IQGAP2: variants seen among roughly 807,000 people sequenced by gnomAD.
IQGAP2 encodes IQ motif containing GTPase activating protein 2.
Under a neutral mutation model 201.3 loss-of-function variants are expected in IQGAP2, and 173 were observed. The ratio of observed to expected loss-of-function variants is 0.86; its 90% CI spans 0.76 to 0.98. The LOEUF is 0.98. Among genes scored for constraint, IQGAP2 ranks in the 50% least tolerant of loss-of-function variants. IQGAP2 has a pLI of 0.00. For synonymous variants in IQGAP2, 675 were observed against 673.9 expected (o/e 1.00, Z -0.03); for missense variants, 1,687 against 1,864.8 (o/e 0.90, Z 1.76).
intron 26 of IQGAP2, 123 bp from the exon 27 acceptor site, chr5:76,674,354 C>T (rs1276459686): frequency 1.6e-6 from 1 of 621,040 alleles, no homozygotes; most frequent in East Asian, 2.8e-5. Flanking sequence ...GGATTTACAT[C>T]AGAAAATGAT....
chr5:76,496,467 AG>A (rs1394666620), intron 2 of IQGAP2, among the ~76,000 whole-genome samples: 2 of 152,212 alleles, frequency 1.3e-5, no homozygotes, highest in Non-Finnish European at 2.9e-5. Context: ...AGTAAGACAG[AG>A]TCTCATATGA....
chr5:76,586,166 G>A (rs1746231679), intron 5 of IQGAP2, among the ~76,000 whole-genome samples: 1 of 152,130 alleles, frequency 6.6e-6, no homozygotes, highest in African/African-American at 2.4e-5. Context: ...CCATGATAAT[G>A]TCTAAAGACC....
intron 23 of IQGAP2, among the ~76,000 whole-genome samples, chr5:76,670,474 A>G (rs13181696): frequency 0.12 from 18,924 of 152,284 alleles, 1,557 homozygotes; most frequent in Middle Eastern, 0.19. Context: ...AGATCGCGCC[A>G]CTGCACTCCA....
intron 2 of IQGAP2, among the ~76,000 whole-genome samples, chr5:76,482,762 C>T (rs1328804863): frequency 2.6e-5 from 4 of 152,206 alleles, no homozygotes; most frequent in African/African-American, 9.7e-5. Context: ...AATTATCAGG[C>T]TCAATGTAGC....
intron 13 of IQGAP2, chr5:76,623,358 T>G: frequency 8.9e-7 from 1 of 1,118,606 alleles, no homozygotes; most frequent in Non-Finnish European, 1.3e-6. Context: ...TTTGCTCTCC[T>G]GTGCCGTGCA....
chr5:76,406,730 G>GGCAGATGACTTC (rs1480880726), intron 1 of IQGAP2, among the ~76,000 whole-genome samples: 18 of 152,228 alleles, frequency 1.2e-4, no homozygotes, highest in Non-Finnish European at 2.9e-5. Context: ...TTTGTGACTA[G>GGCAGATGACTTC]GCAGATGACT....
chr5:76,520,830 C>CCAGAGT (rs1355915101), intron 2 of IQGAP2, among the ~76,000 whole-genome samples: 1 of 151,690 alleles, frequency 6.6e-6, no homozygotes, highest in East Asian at 1.9e-4. Flanking sequence ...TCGTCAGCCT[C>CCAGAGT]CCGAGTGGAT....
intron 2 of IQGAP2, among the ~76,000 whole-genome samples, chr5:76,462,776 A>G (rs1249943360): frequency 6.6e-6 from 1 of 152,138 alleles, no homozygotes; most frequent in Non-Finnish European, 1.5e-5. Flanking sequence ...AATTGCTTTC[A>G]AGGGGTTTCT....
At chr5:76,535,572 A>G (rs750234587) in intron 2 of IQGAP2, among the ~76,000 whole-genome samples, 1 of 152,192 alleles carries the variant, frequency 6.6e-6, no homozygotes, top group Non-Finnish European at 1.5e-5. Context: ...TGTGATTGCT[A>G]TGCGGCACGC....
At chr5:76,506,499 A>G (rs1379020388) in intron 2 of IQGAP2, among the ~76,000 whole-genome samples, 1 of 152,258 alleles carries the variant, frequency 6.6e-6, no homozygotes, top group Non-Finnish European at 1.5e-5. Context: ...TGGATTTGAC[A>G]TAACAGTTAA....
intron 2 of IQGAP2, among the ~76,000 whole-genome samples, chr5:76,478,674 T>C (rs545442549): frequency 1.3e-5 from 2 of 152,202 alleles, no homozygotes; most frequent in East Asian, 3.9e-4. Flanking sequence ...CCTACAGTAC[T>C]GAGTATAGTC....
chr5:76,425,388 T>A (rs771626837), intron 1 of IQGAP2, among the ~76,000 whole-genome samples: 1 of 152,234 alleles, frequency 6.6e-6, no homozygotes, highest in Non-Finnish European at 1.5e-5. Flanking sequence ...AGCAAACAGC[T>A]GTTAATGTTG....
intron 2 of IQGAP2, among the ~76,000 whole-genome samples, chr5:76,544,609 A>G (rs16873478): frequency 0.015 from 2,336 of 152,326 alleles, 48 homozygotes; most frequent in African/African-American, 0.052. Context: ...TGCTTCTGGT[A>G]TAATTGGAAC....
At chr5:76,656,608 G>A (rs1280554062) in intron 20 of IQGAP2, among the ~76,000 whole-genome samples, 1 of 140,994 alleles carries the variant, frequency 7.1e-6, no homozygotes, top group Non-Finnish European at 1.5e-5. Flanking sequence ...AATGAACACA[G>A]GCTAGTTTTC....
chr5:76,673,109 C>T lies in IQGAP2; in HGVS notation c.3069-340C>T, dbSNP rs181502553. Among the ~76,000 whole-genome samples the T allele has an allele frequency of 1.0e-3, 154 of 151,780 alleles. 1 individual carries two copies. The East Asian group carries it at 0.022, about 21-fold the overall frequency. The stretch of plus-strand genomic sequence containing the variant: ...AAAAAAAGAAAAGAAAATTGGTTGT[C>T]CTCTCTGGTATTGTTTTAGATTATA... On this transcript the variant is annotated intron_variant, in intron 24 of 35. Coordinates refer to ENST00000274364, the MANE Select transcript of IQGAP2 (RefSeq NM_006633.5).
intron 31 of IQGAP2, 79 bp from the exon 32 acceptor site, chr5:76,695,375 T>C (rs1580842339): frequency 1.7e-6 from 2 of 1,209,110 alleles, no homozygotes; most frequent in East Asian, 4.8e-5. Context: ...CATTTTGACA[T>C]TAACTTGCAT....
At chr5:76,704,593 A>C (rs1392534371) in intron 35 of IQGAP2, among the ~76,000 whole-genome samples, 1 of 152,220 alleles carries the variant, frequency 6.6e-6, no homozygotes, top group Non-Finnish European at 1.5e-5. Flanking sequence ...AACTGGCTAC[A>C]TCCTTAGCAG....
At chr5:76,473,203 G>A (rs1412781692) in intron 2 of IQGAP2, among the ~76,000 whole-genome samples, 2 of 152,128 alleles carry the variant, frequency 1.3e-5, no homozygotes, top group Non-Finnish European at 2.9e-5. Context: ...CCAAAACATG[G>A]TCTTGGTTTT....
At chr5:76,654,368 A>G (rs462307) in intron 19 of IQGAP2, 97 bp downstream of exon 19, 486,144 of 749,882 alleles carry the variant, frequency 0.65, 160,276 homozygotes, top group South Asian at 0.82. Flanking sequence ...TTGAATGGTG[A>G]ACATGAACAC....
Sources: gnomAD v4.1 joint callset for allele counts (sites outside exome capture counted in the v4.1 genomes callset) on GRCh38, gnomAD v4.1.1 for gene constraint, MANE v1.5 for transcripts, NCBI Gene and HGNC (gene_info 2026-07-23, HGNC 2026-07-21) for gene names.